Variants in CLASP1 observed in about 807,000 individuals in gnomAD.
CLASP1 encodes the protein CLIP-associating protein 1.
A neutral mutation model predicts 192.3 loss-of-function variants in CLASP1; 38 were observed. The ratio of observed to expected loss-of-function variants is 0.20; its 90% CI spans 0.15 to 0.26. CLASP1 has a LOEUF of 0.26. CLASP1 is among the 10% of genes least tolerant of loss of function. CLASP1 has a pLI of 1.00. For missense variants in CLASP1, 1,433 were observed against 1,932.5 expected (o/e 0.74, Z 4.85); for synonymous variants, 691 against 712.8 (o/e 0.97, Z 0.49).
chr2:121,373,066 CA>C (rs2069091787), intron 34 of CLASP1, among the ~76,000 whole-genome samples: 3 of 152,216 alleles, frequency 2.0e-5, no homozygotes, highest in African/African-American at 4.8e-5. Context: ...TGTACTCACC[CA>C]AATCTTATGT....
chr2:121,586,550 C>T (rs768583832), intron 2 of CLASP1, among the ~76,000 whole-genome samples: 3 of 152,180 alleles, frequency 2.0e-5, no homozygotes, highest in Admixed American at 6.5e-5. Flanking sequence ...AAAAAATACA[C>T]TATTAATAGT....
chr2:121,525,851 G>A (rs2094562524), exon 6 of CLASP1: 1 of 1,611,530 alleles, frequency 6.2e-7, no homozygotes, highest in Non-Finnish European at 8.5e-7. Context: ...TCACCTGGCT[G>A]TTTGGATCTC....
At chr2:121,582,186 G>GAAAAAAGAAAGGAAGA (rs1171212992) in intron 2 of CLASP1, among the ~76,000 whole-genome samples, 1 of 150,332 alleles carries the variant, frequency 6.7e-6, no homozygotes, top group African/African-American at 2.4e-5. Flanking sequence ...GGAAAAAAAG[G>GAAAAAAGAAAGGAAGA]AAAAAAGAAA....
intron 8 of CLASP1, among the ~76,000 whole-genome samples, chr2:121,473,908 C>T (rs1044865991): frequency 6.6e-6 from 1 of 152,158 alleles, no homozygotes; most frequent in African/African-American, 2.4e-5. Flanking sequence ...CAAAAATTGT[C>T]ATCAGCAGAC....
intron 30 of CLASP1, among the ~76,000 whole-genome samples, chr2:121,392,668 G>A (rs2074582353): frequency 1.3e-5 from 2 of 152,190 alleles, no homozygotes; most frequent in South Asian, 4.1e-4. Flanking sequence ...GGCAGAGGCA[G>A]ATGTCAAATG....
chr2:121,610,636 GAGTTAC>G (rs1216100041), intron 1 of CLASP1, among the ~76,000 whole-genome samples: 71 of 145,282 alleles, frequency 4.9e-4, no homozygotes, highest in East Asian at 1.2e-3. Context: ...GGAGGAGGAG[GAGTTAC>G]AGGAGGAAGA....
At chr2:121,395,537 T>A (rs887638418) in intron 30 of CLASP1, among the ~76,000 whole-genome samples, 1 of 152,184 alleles carries the variant, frequency 6.6e-6, no homozygotes, top group African/African-American at 2.4e-5. Context: ...GCTTCAGACA[T>A]ATCAGTCTAT....
At chr2:121,629,687 A>G (rs1345313106) in intron 1 of CLASP1, among the ~76,000 whole-genome samples, 1 of 151,894 alleles carries the variant, frequency 6.6e-6, no homozygotes. Context: ...CGTACTTGAG[A>G]GACTGAGGCA....
At chr2:121,414,794 A>G (rs1397604376) in intron 23 of CLASP1, among the ~76,000 whole-genome samples, 1 of 152,036 alleles carries the variant, frequency 6.6e-6, no homozygotes, top group Non-Finnish European at 1.5e-5. Flanking sequence ...TATTATTACT[A>G]TTGTTTTGAG....
At chr2:121,618,050 A>G (rs1292316700) in intron 1 of CLASP1, among the ~76,000 whole-genome samples, 1 of 152,114 alleles carries the variant, frequency 6.6e-6, no homozygotes, top group Non-Finnish European at 1.5e-5. Context: ...TCAGAGACCC[A>G]TTGGAAGGCC....
At chr2:121,555,676 C>T (rs982769117) in intron 2 of CLASP1, among the ~76,000 whole-genome samples, 6 of 152,192 alleles carry the variant, frequency 3.9e-5, no homozygotes, top group Non-Finnish European at 8.8e-5. Flanking sequence ...CTACTCTTAA[C>T]AGACAAGCAT....
intron 2 of CLASP1, among the ~76,000 whole-genome samples, chr2:121,602,220 C>G (rs2105883140): frequency 6.7e-6 from 1 of 150,090 alleles, no homozygotes; most frequent in East Asian, 1.9e-4. Flanking sequence ...CCATTTATGA[C>G]AGCTACCAAA....
At chr2:121,412,296 T>C (rs958760827) in intron 23 of CLASP1, among the ~76,000 whole-genome samples, 2 of 152,222 alleles carry the variant, frequency 1.3e-5, no homozygotes, top group Admixed American at 6.5e-5. Flanking sequence ...CCTTTTTTAA[T>C]GCATTTGCTG....
At chr2:121,640,121 C>CA (rs1383705996) in intron 1 of CLASP1, among the ~76,000 whole-genome samples, 2 of 146,256 alleles carry the variant, frequency 1.4e-5, no homozygotes, top group East Asian at 2.1e-4. Flanking sequence ...ATCGCAAGGA[C>CA]AAAAAACCAA....
At chr2:121,354,138 G>C (rs2064994200) in intron 37 of CLASP1, among the ~76,000 whole-genome samples, 1 of 152,268 alleles carries the variant, frequency 6.6e-6, no homozygotes, top group Middle Eastern at 3.4e-3. Flanking sequence ...ATGCCACATT[G>C]ACTTGGATTT....
At chr2:121,393,937 A>G (rs2074822559) in intron 30 of CLASP1, among the ~76,000 whole-genome samples, 1 of 152,162 alleles carries the variant, frequency 6.6e-6, no homozygotes, top group African/African-American at 2.4e-5. Context: ...AAGTTGAACC[A>G]CATCATAATT....
intron 1 of CLASP1, among the ~76,000 whole-genome samples, chr2:121,643,706 T>G (rs1335276876): frequency 2.0e-5 from 3 of 152,240 alleles, no homozygotes; most frequent in Non-Finnish European, 4.4e-5. Flanking sequence ...TCCAGGAGTC[T>G]GAAATTGGGA....
chr2:121,409,112 A>G lies in CLASP1; in HGVS notation c.2425-1397T>C, dbSNP rs2077322890. On this transcript the variant is annotated intron_variant, in intron 24 of 39. Coordinates refer to ENST00000263710, the Ensembl canonical transcript of CLASP1. ...AGAGAATTATGTCAGAAGCATATGT[A>G]GGGATTGTTCTTGCAACAAAAGTGT... 12 of 1,362,340 alleles carry G rather than the reference A, an allele frequency of 8.8e-6. No homozygotes were observed. The South Asian group carries it at 1.6e-4, about 18-fold the overall frequency. The allele number at this position is 1,362,340 out of a possible 1,614,324, so 84.4% of individuals were successfully genotyped here.
intron 2 of CLASP1, among the ~76,000 whole-genome samples, chr2:121,579,877 A>G (rs1456697112): frequency 6.6e-6 from 1 of 152,242 alleles, no homozygotes; most frequent in Non-Finnish European, 1.5e-5. Flanking sequence ...AAATAAACTA[A>G]ATGTAAAAAG....
Sources: gnomAD v4.1 joint callset for allele counts (sites outside exome capture counted in the v4.1 genomes callset) on GRCh38, gnomAD v4.1.1 for gene constraint, MANE v1.5 for transcripts, NCBI Gene and HGNC (gene_info 2026-07-23, HGNC 2026-07-21) for gene names.